FBXL7: variants seen among roughly 807,000 people sequenced by gnomAD.
The protein encoded by FBXL7 is F-box and leucine rich repeat protein 7, also known as F-box/LRR-repeat protein 7.
In FBXL7, 12 loss-of-function variants were observed where a neutral mutation model predicts 38.3. The ratio of observed to expected loss-of-function variants is 0.31; its 90% CI spans 0.20 to 0.51. The LOEUF (loss-of-function observed/expected upper bound fraction) is 0.51. Ranked by LOEUF, FBXL7 falls within the 20% of genes least tolerant of loss-of-function variation. The probability of loss-of-function intolerance (pLI) is 0.98; values close to 1 mark genes in which losing one functional copy is unlikely to be tolerated. For missense variants in FBXL7, 567 were observed against 676.4 expected, an observed-to-expected ratio of 0.84 and a Z score of 1.79; for synonymous variants, 297 against 300.9, an observed-to-expected ratio of 0.99 and a Z score of 0.13.
chr5:15,732,319 G>A (rs1735612597), intron 2 of FBXL7, among the ~76,000 whole-genome samples: 1 of 152,124 alleles, frequency 6.6e-6, no homozygotes, highest in Non-Finnish European at 1.5e-5. Flanking sequence ...AATAAAACAG[G>A]AGAAGCTTGA....
Position 15,814,412 on chromosome 5 carries a change from C to T in FBXL7, c.128-113478C>T, listed in dbSNP as rs554988647. The stretch of plus-strand genomic sequence containing the variant: ...TGGACACAGGGAAGGGAACATCGCA[C>T]ACTGGGGCCTGTTGGGGTTGGAGGA... On this transcript the variant is annotated intron_variant, in intron 2 of 3. Transcript: ENST00000504595. Among the ~76,000 whole-genome samples the T allele has an allele frequency of 2.0e-5, 3 of 152,114 alleles. No individual in the cohort carries two copies. In the South Asian group the frequency reaches 6.2e-4, roughly 32 times the overall value.
At chr5:15,815,482 C>T (rs1264667974) in intron 2 of FBXL7, among the ~76,000 whole-genome samples, 2 of 152,034 alleles carry the variant, frequency 1.3e-5, no homozygotes, top group Admixed American at 6.6e-5. Flanking sequence ...AGTGGGGGTT[C>T]GTGAATTAAT....
chr5:15,574,097 A>C (rs914768247), intron 1 of FBXL7, among the ~76,000 whole-genome samples: 2 of 152,218 alleles, frequency 1.3e-5, no homozygotes, highest in African/African-American at 2.4e-5. Flanking sequence ...TATACCTGTC[A>C]TTATTATTAA....
chr5:15,759,946 A>G (rs1049572745), intron 2 of FBXL7, among the ~76,000 whole-genome samples: 6 of 152,230 alleles, frequency 3.9e-5, no homozygotes, highest in Non-Finnish European at 8.8e-5. Flanking sequence ...TAAGTAAAAC[A>G]AAGTATTTAA....
chr5:15,931,982 T>A (rs1005983945), intron 3 of FBXL7, among the ~76,000 whole-genome samples: 2 of 152,226 alleles, frequency 1.3e-5, no homozygotes, highest in Non-Finnish European at 2.9e-5. Flanking sequence ...GGACTTGGAA[T>A]TCTCAACTCA....
intron 2 of FBXL7, among the ~76,000 whole-genome samples, chr5:15,919,805 A>G (rs1406858890): frequency 1.3e-5 from 2 of 152,126 alleles, no homozygotes; most frequent in African/African-American, 2.4e-5. Flanking sequence ...AAACCATTCT[A>G]TTCTTTACCA....
At chr5:15,690,313 T>G (rs1227588247) in intron 2 of FBXL7, among the ~76,000 whole-genome samples, 1 of 152,228 alleles carries the variant, frequency 6.6e-6, no homozygotes, top group African/African-American at 2.4e-5. Context: ...TGGTCAATGA[T>G]TAGAATAAAT....
At chr5:15,820,769 C>T (rs529825090) in intron 2 of FBXL7, among the ~76,000 whole-genome samples, 17 of 152,206 alleles carry the variant, frequency 1.1e-4, no homozygotes, top group East Asian at 1.9e-4. Flanking sequence ...ATGAATACCA[C>T]GGTTCTGGAC....
At chr5:15,719,748 G>A (rs1744142729) in intron 2 of FBXL7, among the ~76,000 whole-genome samples, 1 of 148,800 alleles carries the variant, frequency 6.7e-6, no homozygotes, top group African/African-American at 2.5e-5. Flanking sequence ...AATCTGTATG[G>A]CTGACTAAAG....
chr5:15,702,439 T>C (rs995922642), intron 2 of FBXL7, among the ~76,000 whole-genome samples: 3 of 152,196 alleles, frequency 2.0e-5, no homozygotes, highest in Non-Finnish European at 2.9e-5. Context: ...GGAGCCAGTA[T>C]TGAGTGTCTG....
chr5:15,824,551 GAAAA>G (rs888955377), intron 2 of FBXL7, among the ~76,000 whole-genome samples: 1 of 143,202 alleles, frequency 7.0e-6, no homozygotes, highest in African/African-American at 2.6e-5. Context: ...AATTAAAATA[GAAAA>G]AAAAAAGGTT....
chr5:15,889,724 C>G (rs1469519157), intron 2 of FBXL7, among the ~76,000 whole-genome samples: 1 of 152,154 alleles, frequency 6.6e-6, no homozygotes, highest in African/African-American at 2.4e-5. Context: ...TTTCAACATG[C>G]AGCCAAGTGT....
intron 2 of FBXL7, among the ~76,000 whole-genome samples, chr5:15,766,014 A>ATCTGTCTG (rs70938028): frequency 3.4e-4 from 52 of 151,190 alleles, no homozygotes; most frequent in African/African-American, 8.0e-4. Flanking sequence ...CTTCATCTAT[A>ATCTGTCTG]TCTGTCTGTC....
intron 2 of FBXL7, among the ~76,000 whole-genome samples, chr5:15,783,581 G>A (rs1737056295): frequency 6.6e-6 from 1 of 152,166 alleles, no homozygotes; most frequent in Admixed American, 6.6e-5. Flanking sequence ...TAGGAGGTCA[G>A]AAGGAGTAGC....
At chr5:15,535,039 C>T (rs766082918) in intron 1 of FBXL7, among the ~76,000 whole-genome samples, 2 of 152,158 alleles carry the variant, frequency 1.3e-5, no homozygotes, top group Non-Finnish European at 2.9e-5. Flanking sequence ...AAGTGTTTGG[C>T]AGTTAACCCC....
At chr5:15,888,352 T>G (rs538963731) in intron 2 of FBXL7, among the ~76,000 whole-genome samples, 1 of 152,120 alleles carries the variant, frequency 6.6e-6, no homozygotes, top group East Asian at 1.9e-4. Context: ...CTCAGCCTCC[T>G]GAGTAGCTGG....
chr5:15,854,467 C>T (rs1187281684), intron 2 of FBXL7, among the ~76,000 whole-genome samples: 2 of 152,082 alleles, frequency 1.3e-5, no homozygotes, highest in South Asian at 2.1e-4. Context: ...ATGTTAATTA[C>T]ATTAGCATGC....
chr5:15,541,139 G>A (rs1737729354), intron 1 of FBXL7, among the ~76,000 whole-genome samples: 1 of 151,286 alleles, frequency 6.6e-6, no homozygotes, highest in African/African-American at 2.4e-5. Context: ...ATTTGCAAAT[G>A]AGTTGCACAT....
At chr5:15,862,813 C>G (rs1293896483) in intron 2 of FBXL7, among the ~76,000 whole-genome samples, 1 of 152,180 alleles carries the variant, frequency 6.6e-6, no homozygotes, top group South Asian at 2.1e-4. Context: ...AGAAAGGAAC[C>G]TCAACTCCCT....
Sources: allele counts gnomAD v4.1 joint callset (sites outside exome capture counted in the v4.1 genomes callset), GRCh38; gene constraint gnomAD v4.1.1; transcripts MANE v1.5; gene names NCBI Gene and HGNC (gene_info 2026-07-23, HGNC 2026-07-21).